CPSF4L: variants seen among roughly 807,000 people sequenced by gnomAD.
CPSF4L encodes the protein cleavage and polyadenylation specific factor 4 like.
A neutral mutation model predicts 24.0 loss-of-function variants in CPSF4L; 18 were observed. The ratio of observed to expected loss-of-function variants is 0.75; its 90% CI spans 0.52 to 1.11. CPSF4L has a LOEUF of 1.11. Ranked by LOEUF, CPSF4L falls within the 50% of genes least tolerant of loss-of-function variation. The pLI, the probability that CPSF4L is intolerant of heterozygous loss-of-function variation, is 0.00. For synonymous variants in CPSF4L, 72 were observed against 77.2 expected (o/e 0.93, Z 0.35); for missense variants, 211 against 221.8 (o/e 0.95, Z 0.31).
chr17:73,262,670 A>G (rs565521435), upstream of CPSF4L, among the ~76,000 whole-genome samples: 2 of 152,346 alleles, frequency 1.3e-5, no homozygotes, highest in East Asian at 3.9e-4. Context: ...TCAAAGGAGC[A>G]TGTTAGGGCT....
At chr17:73,252,326 G>C (rs1026176433) in intron 5 of CPSF4L, among the ~76,000 whole-genome samples, 1 of 152,190 alleles carries the variant, frequency 6.6e-6, no homozygotes, top group Non-Finnish European at 1.5e-5. Context: ...CCCTCCCTTA[G>C]CCAGGGCGTG....
chr17:73,242,104 A>C, the CPSF4L span: 1 of 507,748 alleles, frequency 2.0e-6, no homozygotes, highest in South Asian at 3.6e-5. Flanking sequence ...ACTTAGCTGC[A>C]GTCCAATGCA....
intron 5 of CPSF4L, chr17:73,250,874 T>A: frequency 2.2e-6 from 2 of 918,150 alleles, no homozygotes; most frequent in South Asian, 4.1e-5. Context: ...CACTCCTATC[T>A]GCTGCAGAAA....
rs763701465 is a variant in CPSF4L, at chr17:73,252,768, G to A, written c.404-45C>T. 6.4e-5 allele frequency: 89 copies of A among 1,396,944 alleles called. 1 individual carries two copies. The South Asian group carries it at 1.1e-3, about 17-fold the overall frequency. 86.5% of individuals were successfully genotyped at this position (1,396,944 alleles called of 1,614,324 possible). A position where few individuals can be genotyped will look rare whatever the true frequency, so the allele number is the denominator to read the frequency against. On this transcript the variant is annotated intron_variant, in intron 4 of 5. Coordinates refer to ENST00000344935, the MANE Select transcript of CPSF4L (RefSeq NM_001129885.1). ...TGATGAGAAGGATCCGCTTCAGCAA[G>A]AGGGGAAAACACACATGAAAAAGCT...
intron 1 of CPSF4L, among the ~76,000 whole-genome samples, chr17:73,261,458 G>A (rs1375365984): frequency 9.9e-5 from 15 of 152,142 alleles, no homozygotes; most frequent in Admixed American, 9.2e-4. Flanking sequence ...TCAGGAGATT[G>A]AGACCATCCT....
chr17:73,257,727 C>T lies in CPSF4L; in HGVS notation c.261G>A (p.Gln87=), dbSNP rs1349811899. 1.9e-6 allele frequency: 3 copies of T among 1,551,664 alleles called. No homozygotes were observed. The highest frequency in any genetic ancestry group is 2.6e-6 in the Non-Finnish European group (3 of 1,147,030). Residue 87 remains glutamine (Q), a synonymous_variant, in exon 3 of 6, where the codon CAG becomes CAA. Coordinates refer to ENST00000344935, the MANE Select transcript of CPSF4L (RefSeq NM_001129885.1). ...ACTCAGGCATCCTGGTGAGGTCATA[C>T]TGGTGCAGGAACTTGCAGTGATCAC... The part of the protein sequence containing the change: ...KKGDHCKFLH[Q]YDLTRMPECY...
At chr17:73,253,341 TAGAA>T (rs1295179267) in intron 4 of CPSF4L, among the ~76,000 whole-genome samples, 5 of 152,058 alleles carry the variant, frequency 3.3e-5, no homozygotes, top group African/African-American at 7.2e-5. Context: ...ACCTGGGTGA[TAGAA>T]AGAAAAAAGC....
At chr17:73,249,403 G>A (rs1325727613) in intron 5 of CPSF4L, among the ~76,000 whole-genome samples, 3 of 152,198 alleles carry the variant, frequency 2.0e-5, no homozygotes, top group African/African-American at 4.8e-5. Flanking sequence ...CGGGCTTGAG[G>A]TAGAGTGATT....
chr17:73,253,968 C>T lies in CPSF4L; in HGVS notation c.366G>A (p.Gln122=). 1 of 1,551,726 alleles carries T rather than the reference C, an allele frequency of 6.4e-7. No individual in the cohort carries two copies. Among genetic ancestry groups the T allele is most frequent in the Non-Finnish European group, 8.7e-7 (1 of 1,146,986 alleles). Residue 122 remains glutamine (Q), a synonymous_variant, in exon 4 of 6, where the codon CAG becomes CAA. Coordinates refer to ENST00000344935, the MANE Select transcript of CPSF4L (RefSeq NM_001129885.1). ...AACCTTGGTCATACCAAGGACAGTCCTGGGACTTGAAAGCTGGCTTCACAT... is the reference window on the plus strand; with the variant it reads ...AACCTTGGTCATACCAAGGACAGTCTTGGGACTTGAAAGCTGGCTTCACAT... The part of the protein sequence containing the change: ...FLHVKPAFKS[Q]DCPWYDQGFC...
At chr17:73,249,333 T>C (rs539828867) in intron 5 of CPSF4L, among the ~76,000 whole-genome samples, 20 of 152,346 alleles carry the variant, frequency 1.3e-4, no homozygotes, top group African/African-American at 4.3e-4. Context: ...TGTTTTCTCC[T>C]TTTAGTTTCA....
chr17:73,247,450 G>A (rs2061968063), downstream of CPSF4L: 1 of 1,098,148 alleles, frequency 9.1e-7, no homozygotes, highest in African/African-American at 1.6e-5. Flanking sequence ...GTAGCATTAA[G>A]GGATAGCTTT....
chr17:73,246,545 CA>C (rs1333429656), downstream of CPSF4L, among the ~76,000 whole-genome samples: 1 of 152,036 alleles, frequency 6.6e-6, no homozygotes, highest in Non-Finnish European at 1.5e-5. Context: ...TCAAAAATCC[CA>C]AAAAACCTAC....
rs1318968220 is a variant in CPSF4L at position 73,257,843 on chromosome 17, C to T, written c.155-10G>A. The T allele has an allele frequency of 6.4e-7, 1 of 1,551,042 alleles. No individual in the cohort carries two copies. The highest frequency in any genetic ancestry group is 8.7e-7 in the Non-Finnish European group (1 of 1,146,824). The stretch of plus-strand genomic sequence containing the variant: ...AAGGGGCAGAGTTTCCCTGGAGATG[C>T]CAGAGCACCTGGCTGGGAGGCCCCT... On this transcript the variant is annotated splice_polypyrimidine_tract_variant and intron_variant, in intron 2 of 5. Coordinates refer to ENST00000344935, the MANE Select transcript of CPSF4L (RefSeq NM_001129885.1).
chr17:73,245,302 G>A, downstream of CPSF4L: 1 of 1,440,806 alleles, frequency 6.9e-7, no homozygotes, highest in Non-Finnish European at 9.2e-7. Flanking sequence ...ACAGGGAGAG[G>A]GGAGTGAAAA....
the CPSF4L span, chr17:73,243,049 T>G: frequency 1.4e-6 from 2 of 1,442,112 alleles, no homozygotes; most frequent in African/African-American, 3.0e-5. Flanking sequence ...TCCCATTCCG[T>G]TATGTGGACC....
At chr17:73,246,162 C>T (rs993720661), downstream of CPSF4L, among the ~76,000 whole-genome samples, 1 of 152,160 alleles carries the variant, frequency 6.6e-6, no homozygotes, top group Non-Finnish European at 1.5e-5. Flanking sequence ...CGCACACACC[C>T]GTCTGTCTCA....
At position 73,256,892 on chromosome 17, in the gene CPSF4L, T is replaced by C. The variant is rs139437100; in HGVS notation, c.307+789A>G. ...AAATATAAAAATTAGCCGGGCATGT[T>C]GGTGGGTACCTGTAATCCCAGCTAC... On this transcript the variant is annotated intron_variant, in intron 3 of 5. Transcript: ENST00000344935. Among the ~76,000 whole-genome samples the C allele has an allele frequency of 1.5e-4, 23 of 152,274 alleles. 1 individual carries two copies. In the East Asian group the frequency reaches 4.2e-3, roughly 28 times the overall value.
intron 2 of CPSF4L, among the ~76,000 whole-genome samples, chr17:73,258,448 C>T (rs2062032024): frequency 6.6e-6 from 1 of 152,050 alleles, no homozygotes; most frequent in Non-Finnish European, 1.5e-5. Context: ...TGGGATTACA[C>T]CTGCAACTAC....
At chr17:73,251,404 C>T (rs2062005622) in intron 5 of CPSF4L, among the ~76,000 whole-genome samples, 1 of 152,170 alleles carries the variant, frequency 6.6e-6, no homozygotes, top group Non-Finnish European at 1.5e-5. Context: ...GCATCCAGTG[C>T]TCGGAGGCCC....
Sources: allele counts gnomAD v4.1 joint callset (sites outside exome capture counted in the v4.1 genomes callset), GRCh38; gene constraint gnomAD v4.1.1; transcripts MANE v1.5; gene names NCBI Gene and HGNC (gene_info 2026-07-23, HGNC 2026-07-21).